OVOL2: variants seen among roughly 807,000 people sequenced by gnomAD.
OVOL2 encodes the protein transcription factor Ovo-like 2.
In OVOL2, 13 loss-of-function variants were observed where a neutral mutation model predicts 18.1. The observed-to-expected ratio is 0.72, with a 90% CI of 0.47 to 1.14. The LOEUF is 1.14. Ranked by LOEUF, OVOL2 falls within the 50% of genes most tolerant of loss-of-function variation. OVOL2 has a pLI of 0.00. For synonymous variants in OVOL2, 166 were observed against 162.7 expected (o/e 1.02, Z -0.16); for missense variants, 335 against 383.0 (o/e 0.87, Z 1.05).
chr20:18,037,547 G>A (rs997515413), intron 3 of OVOL2, among the ~76,000 whole-genome samples: 7 of 152,236 alleles, frequency 4.6e-5, no homozygotes, highest in East Asian at 1.9e-4. Context: ...CTCCCAGGGC[G>A]GATGCCCCAC....
In OVOL2 at chr20:18,056,510, G is replaced by T. The variant is rs989125575; in HGVS notation, c.321+147C>A. The T allele has an allele frequency of 2.0e-6, 2 of 995,942 alleles. No individual in the cohort carries two copies. Among genetic ancestry groups the T allele is most frequent in the African/African-American group, 3.5e-5 (2 of 57,210 alleles). The allele number at this position is 995,942 out of a possible 1,614,324, so 61.7% of individuals were successfully genotyped here. ...CCGAGGCGCCCTGGCCGCCGCCCAGGGGCAGGTGCAGGAGCGGCGCGGCGG... is the reference window on the plus strand; with the variant it reads ...CCGAGGCGCCCTGGCCGCCGCCCAGTGGCAGGTGCAGGAGCGGCGCGGCGG... On this transcript the variant is annotated intron_variant, in intron 2 of 3. Transcript: ENST00000278780. This position sits in a 1 kb window ranked among gnomAD's most constrained non-coding sequence, Gnocchi z 4.2.
At chr20:18,052,648 AAGACTCGATAG>A (rs2036780774) in intron 2 of OVOL2, among the ~76,000 whole-genome samples, 1 of 152,242 alleles carries the variant, frequency 6.6e-6, no homozygotes, top group Admixed American at 6.5e-5. Flanking sequence ...GCACCACTAC[AAGACTCGATAG>A]AGAGCCGGGT....
intron 2 of OVOL2, among the ~76,000 whole-genome samples, chr20:18,048,372 C>T (rs184115981): frequency 4.3e-4 from 66 of 152,124 alleles, no homozygotes; most frequent in Admixed American, 2.9e-3. Context: ...AAAAACAAAA[C>T]GAAACTAAAA....
intron 3 of OVOL2, among the ~76,000 whole-genome samples, chr20:18,033,280 C>T (rs1447982206): frequency 2.6e-5 from 4 of 152,218 alleles, no homozygotes; most frequent in African/African-American, 9.6e-5. Flanking sequence ...GGGGCCGGTG[C>T]CCCCTCCCCA....
At chr20:18,034,736 G>A (rs1175547218) in intron 3 of OVOL2, among the ~76,000 whole-genome samples, 2 of 150,896 alleles carry the variant, frequency 1.3e-5, no homozygotes, top group Non-Finnish European at 1.5e-5. Flanking sequence ...CTTTTCTTTC[G>A]TCTACTTGGA....
At chr20:18,046,337 C>G (rs1019359975) in intron 2 of OVOL2, among the ~76,000 whole-genome samples, 2 of 152,126 alleles carry the variant, frequency 1.3e-5, no homozygotes, top group African/African-American at 4.8e-5. Context: ...GTGGCAGAAC[C>G]TTACAATTAA....
chr20:18,056,585 G>C lies in OVOL2; in HGVS notation c.321+72C>G. On this transcript the variant is annotated intron_variant, in intron 2 of 3. Transcript: ENST00000278780. This position sits in a 1 kb window ranked among gnomAD's most constrained non-coding sequence, Gnocchi z 4.2. ...GTTGCGCAGGCGGGCGCGGCAGGGA[G>C]GGGCGCCGGCCTCGGGAGCCCGACG... 1.6e-6 allele frequency: 2 copies of C among 1,289,796 alleles called. No individual in the cohort carries two copies. The highest frequency in any genetic ancestry group is 3.2e-5 in the East Asian group (1 of 31,470). The allele number at this position is 1,289,796 out of a possible 1,614,324, so 79.9% of individuals were successfully genotyped here. A position where few individuals can be genotyped will look rare whatever the true frequency, so the allele number is the denominator to read the frequency against.
intron 3 of OVOL2, 75 bp from the exon 4 acceptor site, chr20:18,025,027 A>C (rs2036499727): frequency 6.7e-7 from 1 of 1,496,876 alleles, no homozygotes; most frequent in East Asian, 2.3e-5. Flanking sequence ...GAAGCCAGTA[A>C]AAGTCATGCC....
chr20:18,054,766 C>CAAAAAAAAAAAAAAAAA (rs745367889), intron 2 of OVOL2, among the ~76,000 whole-genome samples: 3 of 63,472 alleles, frequency 4.7e-5, no homozygotes, highest in Non-Finnish European at 8.8e-5. Context: ...AACTCCATCT[C>CAAAAAAAAAAAAAAAAA]AAAAAAAAAA....
In OVOL2 at chr20:18,041,669, T is replaced by A; in HGVS notation, c.376A>T (p.Lys126Ter). 1 of 1,614,044 alleles carries A rather than the reference T, an allele frequency of 6.2e-7. No homozygotes were observed. The highest frequency in any genetic ancestry group is 8.5e-7 in the Non-Finnish European group (1 of 1,179,996). Reference protein sequence around the residue: ...SVVHSCDLCGKGFRLQRMLNR... With the variant: ...SVVHSCDLCG ...AGCATGCGCTGCAGACGGAAGCCCT[T>A]GCCACACAGGTCACAGCTGTGAACC... The change falls in exon 3 of 4, where the codon AAG (lysine) becomes TAG (stop). Residue 126 changes from lysine to a stop codon, truncating the protein, a stop_gained. Transcript: ENST00000278780. LOFTEE classifies it high-confidence loss of function.
intron 3 of OVOL2, among the ~76,000 whole-genome samples, chr20:18,026,530 C>T (rs573318597): frequency 3.4e-4 from 51 of 152,016 alleles, no homozygotes; most frequent in African/African-American, 1.0e-3. Context: ...TACAGGCACC[C>T]GCCACCACGC....
rs752302941 is a variant in OVOL2 at position 18,056,868 on chromosome 20, C to T, written c.110G>A (p.Gly37Asp). 3 of 1,486,442 alleles carry T rather than the reference C, an allele frequency of 2.0e-6. No homozygotes were observed. The highest frequency in any genetic ancestry group is 5.7e-5 in the East Asian group (2 of 35,052). The allele number at this position is 1,486,442 out of a possible 1,614,324, so 92.1% of individuals were successfully genotyped here. A position where few individuals can be genotyped will look rare whatever the true frequency, so the allele number is the denominator to read the frequency against. Residue 37 changes from glycine to aspartate, a missense_variant, in exon 2 of 4, where the codon GGC becomes GAC. Coordinates refer to ENST00000278780, the MANE Select transcript of OVOL2 (RefSeq NM_021220.4). This position sits in a 1 kb window ranked among gnomAD's most constrained non-coding sequence, Gnocchi z 4.2. The stretch of plus-strand genomic sequence containing the variant: ...CTCGGGGGGGTCGTGGAGCAGGCGG[C>T]CTAGGCCCACTGTGGAGGGAGGGGC... ...RADTYIPVGLGRLLHDPPEDC... is the reference protein window; with the variant it reads ...RADTYIPVGLDRLLHDPPEDC...
rs2036489114 is a variant in OVOL2, at chr20:18,024,395, G to A, written c.*241C>T. ...CGGTGTTCTTGGCCATCAGGATCAT[G>A]AAAACAAACTTTGGTGAATGTGAGC... On this transcript the variant is annotated 3_prime_UTR_variant, in exon 4 of 4. Coordinates refer to ENST00000278780, the MANE Select transcript of OVOL2 (RefSeq NM_021220.4). 1 of 745,744 alleles carries A rather than the reference G, an allele frequency of 1.3e-6. No individual in the cohort carries two copies. The highest frequency in any genetic ancestry group is 3.3e-5 in the East Asian group (1 of 30,308). 46.2% of individuals were successfully genotyped at this position (745,744 alleles called of 1,614,324 possible). A position where few individuals can be genotyped will look rare whatever the true frequency, so the allele number is the denominator to read the frequency against.
chr20:18,039,442 C>T (rs1010581549), intron 3 of OVOL2, among the ~76,000 whole-genome samples: 11 of 151,406 alleles, frequency 7.3e-5, no homozygotes, highest in Non-Finnish European at 1.3e-4. Flanking sequence ...GGCAACATGA[C>T]GAAATCTCAT....
chr20:18,026,730 G>A (rs2036522573), intron 3 of OVOL2, among the ~76,000 whole-genome samples: 1 of 152,064 alleles, frequency 6.6e-6, no homozygotes, highest in South Asian at 2.1e-4. Context: ...TGTTCAACTT[G>A]GCTTTCAAGA....
Position 18,057,767 on chromosome 20 carries a change from C to T in OVOL2, c.-133G>A, listed in dbSNP as rs2036844794. ...CGCCTCGCCTGCCCTCTTCCTCCAC[C>T]CCCCGCCGCGGCGCGGCCCAGGCCT... On this transcript the variant is annotated 5_prime_UTR_variant, in exon 1 of 4. Transcript: ENST00000278780. This position sits in a 1 kb window ranked among gnomAD's most constrained non-coding sequence, Gnocchi z 6.3. 22 of 1,409,534 alleles carry T rather than the reference C, an allele frequency of 1.6e-5. No homozygotes were observed. The highest frequency in any genetic ancestry group is 1.9e-5 in the Non-Finnish European group (21 of 1,089,786). 87.3% of individuals were successfully genotyped at this position (1,409,534 alleles called of 1,614,324 possible). A position where few individuals can be genotyped will look rare whatever the true frequency, so the allele number is the denominator to read the frequency against.
At chr20:18,040,292 A>G (rs1378657459) in intron 3 of OVOL2, among the ~76,000 whole-genome samples, 2 of 152,114 alleles carry the variant, frequency 1.3e-5, no homozygotes, top group African/African-American at 4.8e-5. Context: ...GAATGGGTTA[A>G]GATGGGATGG....
Position 18,033,961 on chromosome 20 carries a change from C to T in OVOL2, c.511+7573G>A, listed in dbSNP as rs978690674. Among the ~76,000 whole-genome samples the T allele has an allele frequency of 5.3e-5, 8 of 152,304 alleles. No individual in the cohort carries two copies. The South Asian group carries it at 1.7e-3, about 32-fold the overall frequency. ...TAAATATAAAGGCCCATGTTTTTCA[C>T]AGGCTATGAACTGAATACACATTCA... On this transcript the variant is annotated intron_variant, in intron 3 of 3. Coordinates refer to ENST00000278780, the MANE Select transcript of OVOL2 (RefSeq NM_021220.4).
intron 3 of OVOL2, among the ~76,000 whole-genome samples, chr20:18,034,833 C>T (rs2036601469): frequency 1.3e-5 from 2 of 152,242 alleles, no homozygotes; most frequent in Admixed American, 6.5e-5. Flanking sequence ...CTTAGATATC[C>T]TGTTTGCTCA....
Sources: allele counts gnomAD v4.1 joint callset (sites outside exome capture counted in the v4.1 genomes callset), GRCh38; gene constraint gnomAD v4.1.1; non-coding constraint Gnocchi (gnomAD v3.1); transcripts MANE v1.5; gene names NCBI Gene and HGNC (gene_info 2026-07-23, HGNC 2026-07-21).